ESYT2: variants seen among roughly 807,000 people sequenced by gnomAD.
The protein encoded by ESYT2 is extended synaptotagmin 2.
In ESYT2, 54 loss-of-function variants were observed where a neutral mutation model predicts 107.2. That is an observed-to-expected ratio of 0.50 (90% confidence interval 0.40 to 0.63). The LOEUF (loss-of-function observed/expected upper bound fraction) is 0.63, where lower values mean the gene tolerates loss of function less well. ESYT2 is among the 30% of genes least tolerant of loss of function. The probability of loss-of-function intolerance (pLI) is 0.00; values close to 1 mark genes in which losing one functional copy is unlikely to be tolerated. For missense variants in ESYT2, 1,020 were observed against 1,094.5 expected (o/e 0.93, Z 0.96); for synonymous variants, 491 against 434.1 (o/e 1.13, Z -1.63).
chr7:158,746,360 A>C (rs1456999840), intron 16 of ESYT2, among the ~76,000 whole-genome samples: 1 of 151,774 alleles, frequency 6.6e-6, no homozygotes, highest in African/African-American at 2.4e-5. Context: ...AAACACAAAA[A>C]TTAGCTGGGT....
chr7:158,818,938 G>A (rs1279934463), intron 1 of ESYT2, among the ~76,000 whole-genome samples: 2 of 152,198 alleles, frequency 1.3e-5, no homozygotes, highest in Non-Finnish European at 1.5e-5. Context: ...ACTCGCACGG[G>A]CCCTGGCCAC....
Position 158,829,478 on chromosome 7 carries a change from C to T in ESYT2, c.-60G>A. On this transcript the variant is annotated 5_prime_UTR_variant, in exon 1 of 23. Coordinates refer to ENST00000275418, the MANE Select transcript of ESYT2 (RefSeq NM_001367773.1). ...GCGGGCTGGGTGCTCGCGCTGATCCCGGGCGGCTCAGCCCCGCGCCAGCGC... is the reference window on the plus strand; with the variant it reads ...GCGGGCTGGGTGCTCGCGCTGATCCTGGGCGGCTCAGCCCCGCGCCAGCGC... 1 of 1,213,848 alleles carries T rather than the reference C, an allele frequency of 8.2e-7. No homozygotes were observed. Among genetic ancestry groups the T allele is most frequent in the Non-Finnish European group, 1.0e-6 (1 of 977,170 alleles). 75.2% of individuals were successfully genotyped at this position (1,213,848 alleles called of 1,614,324 possible). A position where few individuals can be genotyped will look rare whatever the true frequency, so the allele number is the denominator to read the frequency against.
At position 158,760,044 on chromosome 7, in the gene ESYT2, T is replaced by C. The variant is rs754327401; in HGVS notation, c.1323+14A>G. On this transcript the variant is annotated intron_variant, in intron 12 of 22. Transcript: ENST00000275418. Reference sequence around the variant, plus strand: ...TGGTTAGGTAGTTTTCAAGAGCACATGCTTCAACAGCACCTTGTCGAGGTT... The same window carrying C: ...TGGTTAGGTAGTTTTCAAGAGCACACGCTTCAACAGCACCTTGTCGAGGTT... The C allele has an allele frequency of 6.2e-7, 1 of 1,613,820 alleles. No individual in the cohort carries two copies. Among genetic ancestry groups the C allele is most frequent in the African/African-American group, 1.3e-5 (1 of 75,052 alleles).
At chr7:158,769,634 C>A (rs891690530) in intron 7 of ESYT2, among the ~76,000 whole-genome samples, 1 of 152,216 alleles carries the variant, frequency 6.6e-6, no homozygotes, top group African/African-American at 2.4e-5. Flanking sequence ...AAACCTTCAA[C>A]ACTCAGCTTA....
At position 158,809,992 on chromosome 7, in the gene ESYT2, G is replaced by A. The variant is rs777842922; in HGVS notation, c.331-10920C>T. Among the ~76,000 whole-genome samples, 7 of 152,190 alleles carry A rather than the reference G, an allele frequency of 4.6e-5. No individual in the cohort carries two copies. The East Asian group carries it at 5.8e-4, about 13-fold the overall frequency. On this transcript the variant is annotated intron_variant, in intron 1 of 22. Transcript: ENST00000275418. ...ATCATTCTTTGCTCAATTAAACTAC[G>A]TTAAACTTAATTTGTCTGAGATTTT...
chr7:158,777,594 T>TG (rs960885268), intron 6 of ESYT2, among the ~76,000 whole-genome samples: 2 of 152,238 alleles, frequency 1.3e-5, no homozygotes, highest in Non-Finnish European at 2.9e-5. Context: ...TCTTCTGCCA[T>TG]GACTGTAAGT....
At chr7:158,744,785 T>C (rs1587378383) in intron 16 of ESYT2, among the ~76,000 whole-genome samples, 2 of 152,234 alleles carry the variant, frequency 1.3e-5, no homozygotes, top group Non-Finnish European at 2.9e-5. Flanking sequence ...TCTCAGGCTA[T>C]ACAAAAATGG....
intron 8 of ESYT2, 107 bp downstream of exon 8, chr7:158,767,547 C>T: frequency 6.9e-7 from 1 of 1,458,268 alleles, no homozygotes. Context: ...GTGTGGCAAG[C>T]TGGCTGCTGG....
At chr7:158,821,192 A>G (rs1840276056) in intron 1 of ESYT2, among the ~76,000 whole-genome samples, 1 of 152,256 alleles carries the variant, frequency 6.6e-6, no homozygotes, top group East Asian at 1.9e-4. Context: ...GCTTTATGGA[A>G]AAAATGATCC....
At chr7:158,814,323 ATATATATATATATATATATATATG>A (rs1326995856) in intron 1 of ESYT2, among the ~76,000 whole-genome samples, 1,625 of 8,890 alleles carry the variant, frequency 0.18, 149 homozygotes, top group Non-Finnish European at 0.25. Context: ...ATATATATAT[ATATATATATATATATATATATATG>A]AAATAATATA....
At chr7:158,797,699 A>G (rs1839505785) in intron 3 of ESYT2, among the ~76,000 whole-genome samples, 2 of 151,814 alleles carry the variant, frequency 1.3e-5, no homozygotes, top group Non-Finnish European at 2.9e-5. Flanking sequence ...CTAAAAATAC[A>G]AAAAATTAGC....
intron 12 of ESYT2, 128 bp from the exon 13 acceptor site, chr7:158,759,709 G>C: frequency 1.5e-6 from 1 of 674,046 alleles, no homozygotes; most frequent in Non-Finnish European, 2.5e-6. Context: ...CCATGCAACA[G>C]AGACAGAACT....
At chr7:158,803,810 T>C (rs13238854) in intron 1 of ESYT2, among the ~76,000 whole-genome samples, 9,919 of 78,910 alleles carry the variant, frequency 0.13, 553 homozygotes, top group African/African-American at 0.17. Flanking sequence ...CCCAAACCGT[T>C]GAGAAGGGTG....
intron 6 of ESYT2, among the ~76,000 whole-genome samples, chr7:158,782,855 TGA>T (rs77887029): frequency 0.015 from 2,226 of 151,708 alleles, 146 homozygotes; most frequent in East Asian, 0.12. Flanking sequence ...AAAGAACAAG[TGA>T]GAGAGAACGA....
intron 6 of ESYT2, among the ~76,000 whole-genome samples, chr7:158,774,584 A>T (rs888845509): frequency 6.6e-6 from 1 of 152,178 alleles, no homozygotes; most frequent in African/African-American, 2.4e-5. Flanking sequence ...CTCTTACACA[A>T]CTTAAAAAGG....
rs1302918608 is a variant in ESYT2, at chr7:158,739,034, C to T, written c.2256G>A (p.Val752=). 2.5e-6 allele frequency: 4 copies of T among 1,613,956 alleles called. No homozygotes were observed. The highest frequency in any genetic ancestry group is 3.4e-6 in the Non-Finnish European group (4 of 1,179,880). The change falls in exon 19 of 23, where the codon GTG becomes GTA. Residue 752 remains valine, a synonymous_variant. Transcript: ENST00000275418. ...ACCCCAGCCCCCACCTGCAGGCATG[C>T]ACGACCACGATAAGCTTGTTTCTCT... The part of the protein sequence containing the change: ...SSQRNKLIVV[V]HACRNLIAFS...
At chr7:158,743,952 T>C (rs1837310584) in intron 16 of ESYT2, 1 of 280,134 alleles carries the variant, frequency 3.6e-6, no homozygotes, top group Non-Finnish European at 6.7e-6. Context: ...CGCGCACCTG[T>C]AGTCCCAGCC....
At chr7:158,793,609 C>T (rs746290001) in intron 4 of ESYT2, 41 bp downstream of exon 4, 19 of 1,431,682 alleles carry the variant, frequency 1.3e-5, no homozygotes, top group South Asian at 8.1e-5. Context: ...TGACATTACA[C>T]GCCATTAACC....
chr7:158,798,186 G>A, intron 2 of ESYT2, 110 bp from the exon 3 acceptor site: 1 of 1,156,286 alleles, frequency 8.6e-7, no homozygotes, highest in South Asian at 1.6e-5. Flanking sequence ...TGAAAATAAA[G>A]GGCGGGAGGA....
Sources: gnomAD v4.1 joint callset for allele counts (sites outside exome capture counted in the v4.1 genomes callset) on GRCh38, gnomAD v4.1.1 for gene constraint, MANE v1.5 for transcripts, NCBI Gene and HGNC (gene_info 2026-07-23, HGNC 2026-07-21) for gene names.